MARCHF1: variants seen among roughly 807,000 people sequenced by gnomAD.
MARCHF1 encodes the protein E3 ubiquitin-protein ligase MARCHF1.
Under a neutral mutation model 54.2 loss-of-function variants are expected in MARCHF1, and 40 were observed. That is an observed-to-expected ratio of 0.74 (90% CI 0.57 to 0.96). The LOEUF is 0.96. Ranked by LOEUF, MARCHF1 falls within the 40% of genes least tolerant of loss-of-function variation. The probability of loss-of-function intolerance (pLI) is 0.00; values close to 1 mark genes in which losing one functional copy is unlikely to be tolerated. For missense variants in MARCHF1, 586 were observed against 656.5 expected (o/e 0.89, Z 1.17); for synonymous variants, 236 against 236.3 (o/e 1.00, Z 0.01).
rs1002180810 is a variant in MARCHF1 at position 164,282,379 on chromosome 4, A to G, written c.-323+101491T>C. Among the ~76,000 whole-genome samples, 3 of 150,892 alleles carry G rather than the reference A, an allele frequency of 2.0e-5. No homozygotes were observed. The Admixed American group carries it at 2.0e-4, about 10-fold the overall frequency. On this transcript the variant is annotated intron_variant, in intron 1 of 9. Transcript: ENST00000514618. Reference sequence around the variant, plus strand: ...CTACACTTGGAGTCTCAGTTCCTTGAACACCTTACCTGTATCCACCTCAGC... The same window carrying G: ...CTACACTTGGAGTCTCAGTTCCTTGGACACCTTACCTGTATCCACCTCAGC...
At chr4:164,332,586 C>T (rs530506257) in intron 1 of MARCHF1, among the ~76,000 whole-genome samples, 3 of 151,364 alleles carry the variant, frequency 2.0e-5, no homozygotes, top group Non-Finnish European at 4.4e-5. Context: ...TTCCTGAGAA[C>T]AGGGTGCAGA....
chr4:164,209,647 TG>T (rs1405957734), intron 1 of MARCHF1, among the ~76,000 whole-genome samples: 1 of 152,322 alleles, frequency 6.6e-6, no homozygotes, highest in East Asian at 1.9e-4. Context: ...ATTAATATTA[TG>T]CTTTTATATA....
chr4:164,072,689 A>C (rs1210878069), intron 2 of MARCHF1, among the ~76,000 whole-genome samples: 1 of 144,516 alleles, frequency 6.9e-6, no homozygotes, highest in African/African-American at 2.6e-5. Context: ...AAAACCCTTA[A>C]GAAATTTTCT....
chr4:164,138,831 G>A (rs911494985), intron 1 of MARCHF1, among the ~76,000 whole-genome samples: 2 of 151,970 alleles, frequency 1.3e-5, no homozygotes, highest in African/African-American at 2.4e-5. Context: ...TTTTTGTGTA[G>A]GCATGTAGGT....
intron 3 of MARCHF1, among the ~76,000 whole-genome samples, chr4:163,858,333 T>A (rs1749826803): frequency 6.6e-6 from 1 of 152,180 alleles, no homozygotes; most frequent in Non-Finnish European, 1.5e-5. Flanking sequence ...AAAATGCAGT[T>A]GCCTACCTCT....
At chr4:164,230,268 G>T (rs532510593) in intron 1 of MARCHF1, among the ~76,000 whole-genome samples, 2 of 151,790 alleles carry the variant, frequency 1.3e-5, no homozygotes, top group South Asian at 2.1e-4. Context: ...TAGTACATGC[G>T]CCCATAATCC....
At chr4:163,629,997 GTT>G (rs1742015882) in intron 5 of MARCHF1, among the ~76,000 whole-genome samples, 2 of 152,176 alleles carry the variant, frequency 1.3e-5, no homozygotes, top group Non-Finnish European at 2.9e-5. Flanking sequence ...GCAACTGAAA[GTT>G]TTGTACATTG....
chr4:164,151,241 C>G (rs1253469636), intron 1 of MARCHF1, among the ~76,000 whole-genome samples: 2 of 152,080 alleles, frequency 1.3e-5, no homozygotes, highest in Non-Finnish European at 2.9e-5. Flanking sequence ...AATAGGAGAG[C>G]TAAGACAGTT....
intron 4 of MARCHF1, among the ~76,000 whole-genome samples, chr4:163,848,860 T>C (rs1055686908): frequency 3.9e-5 from 6 of 152,056 alleles, no homozygotes; most frequent in Non-Finnish European, 8.8e-5. Flanking sequence ...GCTCTACAGA[T>C]TAAAAAAGGA....
chr4:163,626,393 T>C (rs1385090691), intron 5 of MARCHF1, among the ~76,000 whole-genome samples: 3 of 152,170 alleles, frequency 2.0e-5, no homozygotes, highest in Admixed American at 2.0e-4. Context: ...CCAGTTTAGA[T>C]CCAATCCACT....
At chr4:164,226,080 CT>C (rs1451527091) in intron 1 of MARCHF1, among the ~76,000 whole-genome samples, 7 of 151,864 alleles carry the variant, frequency 4.6e-5, no homozygotes, top group African/African-American at 1.7e-4. Flanking sequence ...CATTTATTTT[CT>C]TTTTTTCTCG....
At chr4:163,531,685 CAAAG>C (rs1329857004) in intron 9 of MARCHF1, among the ~76,000 whole-genome samples, 1 of 151,354 alleles carries the variant, frequency 6.6e-6, no homozygotes. Flanking sequence ...TATAAAATCT[CAAAG>C]AACTGATTAA....
intron 1 of MARCHF1, among the ~76,000 whole-genome samples, chr4:164,366,768 CTTATA>C (rs1453733860): frequency 6.6e-6 from 1 of 151,710 alleles, no homozygotes; most frequent in Non-Finnish European, 1.5e-5. Context: ...ATTATATCTT[CTTATA>C]TTATAAAAGT....
At chr4:163,917,910 G>C (rs538276092) in intron 3 of MARCHF1, among the ~76,000 whole-genome samples, 2 of 152,148 alleles carry the variant, frequency 1.3e-5, no homozygotes, top group Admixed American at 6.6e-5. Context: ...GGTTTAATTA[G>C]ATCAATTTTA....
chr4:164,070,099 C>A (rs1421962403), intron 2 of MARCHF1, among the ~76,000 whole-genome samples: 1 of 152,130 alleles, frequency 6.6e-6, no homozygotes, highest in Non-Finnish European at 1.5e-5. Context: ...GAACAACAGA[C>A]ACTGTGGACT....
chr4:163,812,374 C>T (rs1748415659), intron 4 of MARCHF1, among the ~76,000 whole-genome samples: 1 of 151,910 alleles, frequency 6.6e-6, no homozygotes, highest in Non-Finnish European at 1.5e-5. Context: ...GATTCTATTT[C>T]TCTGGAGAAA....
chr4:163,561,576 A>G (rs1739470125), intron 8 of MARCHF1, among the ~76,000 whole-genome samples: 1 of 152,190 alleles, frequency 6.6e-6, no homozygotes, highest in African/African-American at 2.4e-5. Flanking sequence ...TTTCACTATT[A>G]GCACGTTTTG....
intron 1 of MARCHF1, among the ~76,000 whole-genome samples, chr4:164,170,179 T>C (rs980119601): frequency 6.6e-6 from 1 of 152,138 alleles, no homozygotes; most frequent in South Asian, 2.1e-4. Context: ...AAATTTTCCA[T>C]AAATTTGATG....
chr4:164,370,628 G>A (rs1403665278), intron 1 of MARCHF1, among the ~76,000 whole-genome samples: 1 of 152,182 alleles, frequency 6.6e-6, no homozygotes, highest in Non-Finnish European at 1.5e-5. Context: ...GCAAATTATG[G>A]CTGGGCACAG....
Sources: gnomAD v4.1 joint callset for allele counts (sites outside exome capture counted in the v4.1 genomes callset) on GRCh38, gnomAD v4.1.1 for gene constraint, MANE v1.5 for transcripts, NCBI Gene and HGNC (gene_info 2026-07-23, HGNC 2026-07-21) for gene names.